TPD52L1: variants seen among roughly 807,000 people sequenced by gnomAD.
TPD52L1 encodes TPD52 like 1, also known as tumor protein D53.
In TPD52L1, 18 loss-of-function variants were observed where a neutral mutation model predicts 28.7. The observed-to-expected ratio is 0.63, with a 90% CI of 0.43 to 0.93. The LOEUF (loss-of-function observed/expected upper bound fraction) is 0.93. Among genes scored for constraint, TPD52L1 ranks in the 40% least tolerant of loss-of-function variants. The probability of loss-of-function intolerance (pLI) is 0.00; values close to 1 mark genes in which losing one functional copy is unlikely to be tolerated. For missense variants in TPD52L1, 203 were observed against 254.8 expected (o/e 0.80, Z 1.39); for synonymous variants, 75 against 88.8 (o/e 0.84, Z 0.88).
chr6:125,184,942 A>C (rs1271979412), intron 1 of TPD52L1, among the ~76,000 whole-genome samples: 1 of 146,160 alleles, frequency 6.8e-6, no homozygotes, highest in Non-Finnish European at 1.5e-5. Flanking sequence ...TGTTGGATCA[A>C]AATAAAAGCA....
chr6:125,237,710 T>G (rs1796352753), intron 3 of TPD52L1, among the ~76,000 whole-genome samples: 1 of 152,120 alleles, frequency 6.6e-6, no homozygotes, highest in South Asian at 2.1e-4. Flanking sequence ...ATGGCGCAAT[T>G]TCAGCTCACT....
chr6:125,232,754 T>C (rs1484372514), intron 3 of TPD52L1, among the ~76,000 whole-genome samples: 2 of 152,170 alleles, frequency 1.3e-5, no homozygotes, highest in Non-Finnish European at 2.9e-5. Context: ...CACAGCAGAC[T>C]GAAATTACCT....
rs146090355 is a variant in TPD52L1 at position 125,263,251 on chromosome 6, A to G, written c.*289A>G. On this transcript the variant is annotated 3_prime_UTR_variant, in exon 7 of 7. Transcript: ENST00000534000. ...AATTCCTGTCTGTGTAATTCGATGT[A>G]TATTTTTCCAAACATGTAGCTATTG... 9.2e-4 allele frequency: 323 copies of G among 349,726 alleles called. 1 individual carries two copies. The highest frequency in any genetic ancestry group is 6.1e-3 in the African/African-American group (293 of 48,046). The allele number at this position is 349,726 out of a possible 1,614,324, so 21.7% of individuals were successfully genotyped here.
chr6:125,197,020 G>A (rs561508051), intron 1 of TPD52L1, among the ~76,000 whole-genome samples: 76 of 152,272 alleles, frequency 5.0e-4, no homozygotes, highest in African/African-American at 1.3e-3. Context: ...CTCCCACTGG[G>A]GTTGTCAGAA....
intron 1 of TPD52L1, among the ~76,000 whole-genome samples, chr6:125,208,144 T>G (rs1794271100): frequency 6.6e-6 from 1 of 152,190 alleles, no homozygotes; most frequent in Non-Finnish European, 1.5e-5. Flanking sequence ...AGAGAAGAAC[T>G]CAACAAAGTT....
At chr6:125,165,306 G>A (rs1790820199) in intron 1 of TPD52L1, among the ~76,000 whole-genome samples, 1 of 151,958 alleles carries the variant, frequency 6.6e-6, no homozygotes, top group South Asian at 2.1e-4. Flanking sequence ...AAATTGAGAA[G>A]CATTGTTAAT....
chr6:125,248,666 A>T (rs1031653542), intron 4 of TPD52L1, among the ~76,000 whole-genome samples: 1 of 152,192 alleles, frequency 6.6e-6, no homozygotes, highest in Admixed American at 6.5e-5. Flanking sequence ...TTTGAAAAGA[A>T]TGCAGCATGT....
intron 4 of TPD52L1, chr6:125,251,983 T>G (rs1205734997): frequency 6.5e-7 from 1 of 1,535,894 alleles, no homozygotes; most frequent in Non-Finnish European, 8.7e-7. Flanking sequence ...GTTTGCTAAC[T>G]CTGCTCCTGC....
At chr6:125,217,546 T>C (rs1554210897) in intron 1 of TPD52L1, among the ~76,000 whole-genome samples, 2 of 151,904 alleles carry the variant, frequency 1.3e-5, no homozygotes, top group Non-Finnish European at 2.9e-5. Flanking sequence ...AGAGCTCAGG[T>C]GGTAATGCAA....
chr6:125,184,419 G>T (rs3799766), intron 1 of TPD52L1, among the ~76,000 whole-genome samples: 7,386 of 152,234 alleles, frequency 0.049, 417 homozygotes, highest in East Asian at 0.33. Flanking sequence ...AGCAGAAGTG[G>T]CTGCTCTCTC....
chr6:125,235,135 A>ATAATAATAAAT (rs1796187210), intron 3 of TPD52L1, among the ~76,000 whole-genome samples: 2 of 150,726 alleles, frequency 1.3e-5, no homozygotes, highest in South Asian at 2.1e-4. Flanking sequence ...TAATAATAAA[A>ATAATAATAAAT]CACCAACTTC....
chr6:125,168,359 G>C (rs1409437269), intron 1 of TPD52L1, among the ~76,000 whole-genome samples: 1 of 151,764 alleles, frequency 6.6e-6, no homozygotes, highest in Non-Finnish European at 1.5e-5. Flanking sequence ...CCCACCACAG[G>C]GATATCTTCT....
intron 3 of TPD52L1, among the ~76,000 whole-genome samples, chr6:125,241,874 G>T (rs1165535219): frequency 2.0e-5 from 3 of 150,130 alleles, no homozygotes; most frequent in Admixed American, 2.0e-4. Flanking sequence ...GTTTGGGTTT[G>T]GTTTGCTTCT....
intron 3 of TPD52L1, among the ~76,000 whole-genome samples, chr6:125,239,096 T>C (rs6913066): frequency 0.042 from 6,376 of 152,304 alleles, 172 homozygotes; most frequent in African/African-American, 0.084. Flanking sequence ...CCACCAGCAG[T>C]GTAAAAGTAT....
intron 1 of TPD52L1, among the ~76,000 whole-genome samples, chr6:125,184,653 T>G (rs1185404014): frequency 6.6e-6 from 1 of 152,226 alleles, no homozygotes; most frequent in African/African-American, 2.4e-5. Flanking sequence ...TTAGGCATTT[T>G]GTTTTCAGAA....
chr6:125,154,830 A>G (rs1790007931), intron 1 of TPD52L1, among the ~76,000 whole-genome samples: 1 of 152,216 alleles, frequency 6.6e-6, no homozygotes, highest in South Asian at 2.1e-4. Context: ...AACGCCCAGA[A>G]GGGATGGCTT....
intron 1 of TPD52L1, among the ~76,000 whole-genome samples, chr6:125,184,917 G>A (rs1193664783): frequency 6.6e-6 from 1 of 152,066 alleles, no homozygotes; most frequent in Non-Finnish European, 1.5e-5. Flanking sequence ...CCCATGTAAA[G>A]AAAGATTAGG....
intron 1 of TPD52L1, among the ~76,000 whole-genome samples, chr6:125,200,961 AGTTTT>A (rs1351957851): frequency 6.6e-6 from 1 of 152,206 alleles, no homozygotes; most frequent in Admixed American, 6.5e-5. Flanking sequence ...GGGACAGGGA[AGTTTT>A]TAGCATATTT....
chr6:125,222,910 G>A (rs1373504821), intron 2 of TPD52L1, among the ~76,000 whole-genome samples: 2 of 152,136 alleles, frequency 1.3e-5, no homozygotes, highest in East Asian at 3.9e-4. Flanking sequence ...AAAACAAACT[G>A]TAACTAATCA....
Sources: allele counts gnomAD v4.1 joint callset (sites outside exome capture counted in the v4.1 genomes callset), GRCh38; gene constraint gnomAD v4.1.1; transcripts MANE v1.5; gene names NCBI Gene and HGNC (gene_info 2026-07-23, HGNC 2026-07-21).